The following VAX2 variants were observed in gnomAD, a reference collection of about 807,000 sequenced individuals.
VAX2 encodes ventral anterior homeobox 2.
A neutral mutation model predicts 12.5 loss-of-function variants in VAX2; 8 were observed. The observed-to-expected ratio is 0.64, with a 90% CI of 0.37 to 1.15. The LOEUF (loss-of-function observed/expected upper bound fraction) is 1.15. Among genes scored for constraint, VAX2 ranks in the 50% most tolerant of loss-of-function variants. VAX2 has a pLI of 0.01. For missense variants in VAX2, 476 were observed against 412.9 expected, an observed-to-expected ratio of 1.15 and a Z score of -1.32; for synonymous variants, 183 against 187.6, an observed-to-expected ratio of 0.98 and a Z score of 0.20.
intron 2 of VAX2, among the ~76,000 whole-genome samples, chr2:70,932,110 C>G (rs1321456402): frequency 6.6e-6 from 1 of 152,140 alleles, no homozygotes; most frequent in Non-Finnish European, 1.5e-5. Flanking sequence ...GCTGTAGAGA[C>G]AATGCCACGG....
At position 70,922,706 on chromosome 2, in the gene VAX2, T is replaced by C. The variant is rs577692539; in HGVS notation, c.435+1421T>C. 1.7e-3 allele frequency among the ~76,000 whole-genome samples: 255 copies of C among 150,924 alleles called. 1 individual carries two copies. Among genetic ancestry groups the C allele is most frequent in the African/African-American group, 5.9e-3 (239 of 40,264 alleles). On this transcript the variant is annotated intron_variant, in intron 2 of 2. Coordinates refer to ENST00000234392, the MANE Select transcript of VAX2 (RefSeq NM_012476.3). ...CGGGGAAGGACAGCAGCTGCTGTCC[T>C]GCAGGGCCGGGTCATCTCCACCTGC...
At chr2:70,931,421 G>A (rs1679691383) in intron 2 of VAX2, among the ~76,000 whole-genome samples, 2 of 152,186 alleles carry the variant, frequency 1.3e-5, no homozygotes, top group Admixed American at 1.3e-4. Flanking sequence ...GGGTAGGAGG[G>A]TGCTGCTAAA....
At chr2:70,918,052 A>G (rs1679347000) in intron 1 of VAX2, among the ~76,000 whole-genome samples, 1 of 152,168 alleles carries the variant, frequency 6.6e-6, no homozygotes, top group African/African-American at 2.4e-5. Context: ...ATATTATCCT[A>G]TCTTTTTGAA....
At chr2:70,905,222 C>A (rs1255643930) in intron 1 of VAX2, among the ~76,000 whole-genome samples, 7 of 152,124 alleles carry the variant, frequency 4.6e-5, no homozygotes, top group African/African-American at 1.7e-4. Flanking sequence ...CGAGGACCAG[C>A]CCCCAAGGCA....
At chr2:70,918,271 T>C (rs1268011741) in intron 1 of VAX2, among the ~76,000 whole-genome samples, 2 of 152,192 alleles carry the variant, frequency 1.3e-5, no homozygotes, top group African/African-American at 2.4e-5. Context: ...CTTGAGAACC[T>C]GTGAGATCTG....
chr2:70,906,368 C>T (rs1553410583), intron 1 of VAX2, among the ~76,000 whole-genome samples: 2 of 152,308 alleles, frequency 1.3e-5, no homozygotes, highest in East Asian at 3.9e-4. Context: ...AGGGTGAATG[C>T]ACCCGGAAAG....
At chr2:70,926,841 AG>A (rs1332781473) in intron 2 of VAX2, among the ~76,000 whole-genome samples, 1 of 152,078 alleles carries the variant, frequency 6.6e-6, no homozygotes, top group Non-Finnish European at 1.5e-5. Flanking sequence ...CAAAACTATG[AG>A]GAAGAGTTAA....
Position 70,900,812 on chromosome 2 carries a change from G to T in VAX2, c.191G>T (p.Ser64Ile). The part of the protein sequence containing the change: ...PAGSRESGAD[S>I]DGQPGPGEAD... ...GGCTCCAGGGAGAGTGGAGCCGACA[G>T]CGACGGGCAGCCCGGGCCCGGCGAG... is the stretch of plus-strand genomic sequence containing the variant. The change falls in exon 1 of 3, where the codon AGC (serine) becomes ATC (isoleucine). Residue 64 changes from serine to isoleucine, a missense_variant. By Grantham distance (142) the Ser-to-Ile change is moderately radical (BLOSUM62 -2). Transcript: ENST00000234392. 6.7e-7 allele frequency: 1 copy of T among 1,489,586 alleles called. No individual in the cohort carries two copies. The allele number at this position is 1,489,586 out of a possible 1,614,324, so 92.3% of individuals were successfully genotyped here.
chr2:70,903,781 C>T (rs1162027621), intron 1 of VAX2, among the ~76,000 whole-genome samples: 2 of 152,174 alleles, frequency 1.3e-5, no homozygotes, highest in African/African-American at 4.8e-5. Context: ...CCAAGTCACC[C>T]CTTTCCCCCT....
At chr2:70,905,868 C>G (rs1679046269) in intron 1 of VAX2, among the ~76,000 whole-genome samples, 1 of 152,206 alleles carries the variant, frequency 6.6e-6, no homozygotes, top group South Asian at 2.1e-4. Flanking sequence ...TTTTGCGCAG[C>G]ACCGGTAAGG....
chr2:70,920,695 T>A (rs1239488326), intron 1 of VAX2, among the ~76,000 whole-genome samples: 1 of 151,708 alleles, frequency 6.6e-6, no homozygotes, highest in Non-Finnish European at 1.5e-5. Flanking sequence ...GGCTCTGACC[T>A]CTCCAGTAAG....
intron 2 of VAX2, among the ~76,000 whole-genome samples, chr2:70,925,694 G>A (rs1679555475): frequency 6.6e-6 from 1 of 152,094 alleles, no homozygotes; most frequent in Non-Finnish European, 1.5e-5. Context: ...ACTCCCCAGG[G>A]ATTAAAAACA....
intron 2 of VAX2, among the ~76,000 whole-genome samples, chr2:70,926,954 G>C (rs940935486): frequency 2.5e-4 from 38 of 152,250 alleles, no homozygotes; most frequent in African/African-American, 7.9e-4. Flanking sequence ...ATCAGTGGCT[G>C]TCTGACCTCT....
intron 1 of VAX2, among the ~76,000 whole-genome samples, chr2:70,910,373 C>T (rs1024173052): frequency 3.3e-5 from 5 of 151,926 alleles, no homozygotes; most frequent in Non-Finnish European, 4.4e-5. Flanking sequence ...GGATAAATTC[C>T]TAGAAGCAAA....
intron 1 of VAX2, among the ~76,000 whole-genome samples, chr2:70,905,165 A>G (rs1056094287): frequency 6.6e-6 from 1 of 152,128 alleles, no homozygotes; most frequent in African/African-American, 2.4e-5. Context: ...AGTAAGGACC[A>G]CAGGACTTTA....
At chr2:70,926,781 T>C (rs1553413598) in intron 2 of VAX2, among the ~76,000 whole-genome samples, 2 of 152,174 alleles carry the variant, frequency 1.3e-5, no homozygotes, top group African/African-American at 4.8e-5. Flanking sequence ...CTTCATCAAC[T>C]GCCAGCACTT....
At position 70,904,044 on chromosome 2, in the gene VAX2, C is replaced by T. The variant is rs1337887488; in HGVS notation, c.247+3176C>T. Among the ~76,000 whole-genome samples, 1 of 152,176 alleles carries T rather than the reference C, an allele frequency of 6.6e-6. No individual in the cohort carries two copies. Among genetic ancestry groups the T allele is most frequent in the Admixed American group, 6.5e-5 (1 of 15,290 alleles). On this transcript the variant is annotated intron_variant, in intron 1 of 2. Coordinates refer to ENST00000234392, the MANE Select transcript of VAX2 (RefSeq NM_012476.3). The surrounding 1 kb of genome is among the most constrained non-coding windows in gnomAD (Gnocchi z 4.2). ...GACTCCTACATGTCACACATGGGCACGGACCAGAGCTGCTGAGATGATAGG... is the reference window on the plus strand; with the variant it reads ...GACTCCTACATGTCACACATGGGCATGGACCAGAGCTGCTGAGATGATAGG...
intron 2 of VAX2, among the ~76,000 whole-genome samples, chr2:70,928,313 T>C (rs527668226): frequency 1.3e-5 from 2 of 152,368 alleles, no homozygotes; most frequent in African/African-American, 4.8e-5. Flanking sequence ...CACAGAGCTT[T>C]AGAAGAATAC....
intron 1 of VAX2, among the ~76,000 whole-genome samples, chr2:70,915,120 T>C (rs538276587): frequency 7.3e-5 from 10 of 137,862 alleles, no homozygotes; most frequent in African/African-American, 2.5e-4. Context: ...CTTAAATGTA[T>C]TTTTTTTTTC....
Sources: allele counts gnomAD v4.1 joint callset (sites outside exome capture counted in the v4.1 genomes callset), GRCh38; gene constraint gnomAD v4.1.1; non-coding constraint Gnocchi (gnomAD v3.1); transcripts MANE v1.5; gene names NCBI Gene and HGNC (gene_info 2026-07-23, HGNC 2026-07-21).